TBC1D30: variants seen among roughly 807,000 people sequenced by gnomAD.
The protein encoded by TBC1D30 is TBC1 domain family member 30, also known as TBC1 domain family, member 30.
TBC1D30 carries 31 observed loss-of-function variants against 63.2 expected under a neutral mutation model. The observed-to-expected ratio is 0.49, with a 90% CI of 0.37 to 0.66. The LOEUF is 0.66. TBC1D30 is among the 30% of genes least tolerant of loss of function. The probability of loss-of-function intolerance (pLI) is 0.00; values close to 1 mark genes in which losing one functional copy is unlikely to be tolerated. For missense variants in TBC1D30, 810 were observed against 953.6 expected (o/e 0.85, Z 1.98); for synonymous variants, 307 against 361.5 (o/e 0.85, Z 1.71).
intron 2 of TBC1D30, among the ~76,000 whole-genome samples, chr12:64,788,337 T>C (rs949866606): frequency 3.3e-5 from 5 of 152,176 alleles, no homozygotes; most frequent in African/African-American, 1.2e-4. Flanking sequence ...CCTTCTATTA[T>C]GAGATACCTT....
chr12:64,778,745 C>T (rs1277822309), upstream of TBC1D30, among the ~76,000 whole-genome samples: 1 of 151,640 alleles, frequency 6.6e-6, no homozygotes, highest in Non-Finnish European at 1.5e-5. Flanking sequence ...AGGATGGTCT[C>T]GATCTCTTGA....
chr12:64,854,620 G>A (rs1215171314), intron 8 of TBC1D30, among the ~76,000 whole-genome samples: 1 of 151,474 alleles, frequency 6.6e-6, no homozygotes, highest in Non-Finnish European at 1.5e-5. Flanking sequence ...TCAGCCTCCT[G>A]AGTAGCTGGG....
intron 8 of TBC1D30, among the ~76,000 whole-genome samples, chr12:64,848,151 T>G (rs1592632204): frequency 6.6e-6 from 1 of 152,216 alleles, no homozygotes; most frequent in African/African-American, 2.4e-5. Context: ...TCTTTGTCTC[T>G]TCTTAATTTT....
chr12:64,799,804 C>T (rs1012261896), intron 2 of TBC1D30, among the ~76,000 whole-genome samples: 3 of 152,118 alleles, frequency 2.0e-5, no homozygotes, highest in African/African-American at 4.8e-5. Flanking sequence ...TGGGGAAGTG[C>T]GATTAGAAAA....
chr12:64,764,877 G>A (rs1052555813), intron 1 of TBC1D30, among the ~76,000 whole-genome samples: 3 of 152,192 alleles, frequency 2.0e-5, no homozygotes, highest in Non-Finnish European at 4.4e-5. Flanking sequence ...AATGACCAAG[G>A]TAATGTAAAA....
chr12:64,822,801 T>C (rs1473755345), upstream of TBC1D30, among the ~76,000 whole-genome samples: 1 of 152,114 alleles, frequency 6.6e-6, no homozygotes, highest in Non-Finnish European at 1.5e-5. Flanking sequence ...TCTTGTGTCT[T>C]TTTGACTTGA....
intron 11 of TBC1D30, among the ~76,000 whole-genome samples, 198 bp downstream of exon 11, chr12:64,871,006 G>T (rs138094501): frequency 1.0e-3 from 153 of 152,220 alleles, no homozygotes; most frequent in African/African-American, 3.6e-3. Context: ...AAGACTGCAG[G>T]TTCTTTTTAG....
In TBC1D30 at chr12:64,876,690, G is replaced by A. The variant is rs1002750706; in HGVS notation, c.*902G>A. On this transcript the variant is annotated 3_prime_UTR_variant, in exon 12 of 12. Coordinates refer to ENST00000539867, the MANE Select transcript of TBC1D30 (RefSeq NM_015279.2). The stretch of plus-strand genomic sequence containing the variant: ...GCACAAGGCCTCTGCTCAGAAGCCA[G>A]AACACAGCACCTGTGACTCTGTTAC... 4.7e-6 allele frequency: 2 copies of A among 429,206 alleles called. No individual in the cohort carries two copies. The highest frequency in any genetic ancestry group is 9.4e-6 in the Non-Finnish European group (2 of 212,192). 26.6% of individuals were successfully genotyped at this position (429,206 alleles called of 1,614,324 possible). A position where few individuals can be genotyped will look rare whatever the true frequency, so the allele number is the denominator to read the frequency against.
chr12:64,825,894 C>A, intron 1 of TBC1D30, among the ~76,000 whole-genome samples: 1 of 152,182 alleles, frequency 6.6e-6, no homozygotes, highest in Non-Finnish European at 1.5e-5. Context: ...GCCCCCGCCC[C>A]CCAGCGCCAG....
chr12:64,849,260 G>A (rs142073366), intron 8 of TBC1D30, among the ~76,000 whole-genome samples: 3 of 152,288 alleles, frequency 2.0e-5, no homozygotes, highest in African/African-American at 7.2e-5. Context: ...CTTTTGCTGT[G>A]CAGAAGCTCT....
chr12:64,820,834 G>A (rs1406329178), upstream of TBC1D30, among the ~76,000 whole-genome samples: 1 of 152,204 alleles, frequency 6.6e-6, no homozygotes, highest in Non-Finnish European at 1.5e-5. Flanking sequence ...TTGTGTTTTA[G>A]TGCTCATGTA....
At position 64,875,528 on chromosome 12, in the gene TBC1D30, C is replaced by T. The variant is rs61730728; in HGVS notation, c.2026C>T (p.Pro676Ser). 2 of 1,535,870 alleles carry T rather than the reference C, an allele frequency of 1.3e-6. No individual in the cohort carries two copies. Among genetic ancestry groups the T allele is most frequent in the Non-Finnish European group, 1.7e-6 (2 of 1,146,880 alleles). ...AGCTGAAACTGAGCTCAGGGTGCAC[C>T]CACCCTGCCAGCGGCACTGCCCAGA... ...AAAETELRVH[P>S]PCQRHCPEPP... Residue 676 changes from proline (P) to serine (S), a missense_variant, in exon 12 of 12, where the codon CCA becomes TCA. Transcript: ENST00000539867.
intron 5 of TBC1D30, among the ~76,000 whole-genome samples, chr12:64,832,921 A>G (rs972956313): frequency 6.6e-6 from 1 of 152,188 alleles, no homozygotes; most frequent in African/African-American, 2.4e-5. Flanking sequence ...AAAGATAGTG[A>G]GCAAGGCAAA....
At chr12:64,828,385 T>A in intron 2 of TBC1D30, 59 bp from the exon 3 acceptor site, 2 of 1,246,016 alleles carry the variant, frequency 1.6e-6, no homozygotes, top group Non-Finnish European at 2.3e-6. Context: ...GGAAAAAGAT[T>A]GCAAAGTGCT....
At chr12:64,780,861 A>G in exon 1 of TBC1D30, 1 of 1,011,738 alleles carries the variant, frequency 9.9e-7, no homozygotes, top group Non-Finnish European at 1.2e-6. Context: ...ACGGAGCTGG[A>G]ATTCCGCGGC....
intron 2 of TBC1D30, among the ~76,000 whole-genome samples, chr12:64,791,869 G>C (rs905197954): frequency 2.0e-5 from 3 of 152,050 alleles, no homozygotes; most frequent in African/African-American, 7.2e-5. Context: ...TAAGGCGTAA[G>C]CTAACGTACT....
intron 8 of TBC1D30, among the ~76,000 whole-genome samples, chr12:64,860,399 C>G (rs531071541): frequency 6.6e-6 from 1 of 152,124 alleles, no homozygotes; most frequent in Non-Finnish European, 1.5e-5. Context: ...CAGGCGAGGC[C>G]TGCCTTGGCC....
chr12:64,831,032 C>T (rs1166339903), intron 4 of TBC1D30, among the ~76,000 whole-genome samples: 3 of 152,126 alleles, frequency 2.0e-5, no homozygotes, highest in Non-Finnish European at 2.9e-5. Flanking sequence ...GTGCTAAAAG[C>T]CAAGGATACT....
At chr12:64,813,990 G>A (rs941679761) in intron 2 of TBC1D30, among the ~76,000 whole-genome samples, 1 of 152,186 alleles carries the variant, frequency 6.6e-6, no homozygotes, top group Non-Finnish European at 1.5e-5. Flanking sequence ...TAATACAAGG[G>A]CGTGGATGAA....
Sources: gnomAD v4.1 joint callset for allele counts (sites outside exome capture counted in the v4.1 genomes callset) on GRCh38, gnomAD v4.1.1 for gene constraint, MANE v1.5 for transcripts, NCBI Gene and HGNC (gene_info 2026-07-23, HGNC 2026-07-21) for gene names.